The following TASP1 variants were observed in gnomAD, a reference collection of about 807,000 sequenced individuals.
TASP1 encodes taspase 1.
In TASP1, 16 loss-of-function variants were observed where a neutral mutation model predicts 56.6. The observed-to-expected ratio is 0.28, with a 90% CI of 0.19 to 0.43. The LOEUF (loss-of-function observed/expected upper bound fraction) is 0.43. Ranked by LOEUF, TASP1 falls within the 20% of genes least tolerant of loss-of-function variation. The pLI is 1.00. For synonymous variants in TASP1, 179 were observed against 184.2 expected (o/e 0.97, Z 0.23); for missense variants, 393 against 511.6 (o/e 0.77, Z 2.24).
intron 11 of TASP1, among the ~76,000 whole-genome samples, chr20:13,453,158 T>A (rs1033741286): frequency 1.3e-5 from 2 of 151,662 alleles, no homozygotes; most frequent in Non-Finnish European, 2.9e-5. Context: ...AGAAACAACA[T>A]GAAAAGAAAA....
At chr20:13,480,887 T>C (rs1302880420) in intron 11 of TASP1, among the ~76,000 whole-genome samples, 2 of 152,170 alleles carry the variant, frequency 1.3e-5, no homozygotes, top group East Asian at 3.9e-4. Flanking sequence ...AGGAATGCAA[T>C]GTGAAATAAT....
At chr20:13,257,392 C>A in the TASP1 span, among the ~76,000 whole-genome samples, 4 of 152,216 alleles carry the variant, frequency 2.6e-5, no homozygotes, top group Middle Eastern at 0.014. Context: ...TGGTGGATGC[C>A]TGTAATCTCA....
At chr20:13,441,599 G>C (rs1424224272) in intron 11 of TASP1, among the ~76,000 whole-genome samples, 3 of 152,228 alleles carry the variant, frequency 2.0e-5, no homozygotes, top group Admixed American at 2.0e-4. Flanking sequence ...AGAGAGGATA[G>C]AACATGCTTT....
chr20:13,247,750 G>C, the TASP1 span, among the ~76,000 whole-genome samples: 1 of 152,152 alleles, frequency 6.6e-6, no homozygotes, highest in African/African-American at 2.4e-5. Flanking sequence ...GACCACGACA[G>C]GAAGTGACTT....
the TASP1 span, chr20:13,133,002 C>T: frequency 1.3e-5 from 2 of 152,752 alleles, no homozygotes; most frequent in Admixed American, 1.3e-4. Context: ...TGTAAGCACA[C>T]TCCCCTGCTT....
the TASP1 span, among the ~76,000 whole-genome samples, chr20:13,153,659 C>T: frequency 3.9e-5 from 6 of 152,168 alleles, no homozygotes; most frequent in Non-Finnish European, 7.3e-5. Flanking sequence ...CTTCTTATCA[C>T]ACTCCCTTCT....
At chr20:13,166,141 T>C in the TASP1 span, 1 of 152,768 alleles carries the variant, frequency 6.5e-6, no homozygotes, top group African/African-American at 2.4e-5. Context: ...GCAAAGCTTC[T>C]GTAACAGTTC....
chr20:13,618,881 T>A (rs1250546836), intron 4 of TASP1, among the ~76,000 whole-genome samples: 1 of 152,286 alleles, frequency 6.6e-6, no homozygotes, highest in East Asian at 1.9e-4. Context: ...TTCTTTTTTT[T>A]TTTTTAGACA....
the TASP1 span, among the ~76,000 whole-genome samples, chr20:13,180,751 C>T: frequency 1.3e-5 from 2 of 152,010 alleles, no homozygotes; most frequent in African/African-American, 4.8e-5. Flanking sequence ...CCTAAACTGC[C>T]TCCCTACACA....
chr20:13,146,500 A>G, the TASP1 span, among the ~76,000 whole-genome samples: 1 of 152,204 alleles, frequency 6.6e-6, no homozygotes, highest in Non-Finnish European at 1.5e-5. Flanking sequence ...TAGCTCATTT[A>G]ATGTGTAAAA....
chr20:13,520,260 T>G (rs1174849535), intron 10 of TASP1, among the ~76,000 whole-genome samples: 1 of 152,068 alleles, frequency 6.6e-6, no homozygotes, highest in African/African-American at 2.4e-5. Context: ...TTCACAGAAT[T>G]GGAAAAAACT....
At chr20:13,386,999 T>C (rs1484493057), downstream of TASP1, among the ~76,000 whole-genome samples, 2 of 152,124 alleles carry the variant, frequency 1.3e-5, no homozygotes, top group East Asian at 1.9e-4. Context: ...AGGTGGTTTT[T>C]CAATTCTTAC....
chr20:13,457,584 T>G (rs1165444260), intron 11 of TASP1, among the ~76,000 whole-genome samples: 1 of 152,142 alleles, frequency 6.6e-6, no homozygotes, highest in East Asian at 1.9e-4. Flanking sequence ...TCACAACTTT[T>G]TAATGCTTTT....
intron 8 of TASP1, 128 bp from the exon 9 acceptor site, chr20:13,534,269 G>A: frequency 8.8e-7 from 1 of 1,130,342 alleles, no homozygotes; most frequent in Non-Finnish European, 1.2e-6. Flanking sequence ...GGAACATTGA[G>A]CAATCTCCTA....
At position 13,412,902 on chromosome 20, in the gene TASP1, G is replaced by A. The variant is rs949155033; in HGVS notation, c.1170+4546C>T. 2.0e-5 allele frequency among the ~76,000 whole-genome samples: 3 copies of A among 152,260 alleles called. No homozygotes were observed. The East Asian group carries it at 5.8e-4, about 29-fold the overall frequency. On this transcript the variant is annotated intron_variant, in intron 13 of 13. Transcript: ENST00000337743. ...TCTGTATTGAGACAGATAAGGTTTT[G>A]CTTCCTCGTTCTTATCATATCATAT...
intron 12 of TASP1, among the ~76,000 whole-genome samples, chr20:13,434,051 C>T (rs2042918719): frequency 1.3e-5 from 2 of 151,992 alleles, no homozygotes; most frequent in South Asian, 4.2e-4. Flanking sequence ...CAGAACTAAC[C>T]ATGGTGTTAA....
At chr20:13,571,163 G>A (rs375537910) in intron 6 of TASP1, among the ~76,000 whole-genome samples, 10 of 152,062 alleles carry the variant, frequency 6.6e-5, no homozygotes, top group African/African-American at 2.2e-4. Context: ...TAAATACTTC[G>A]GGCACTGTAA....
intron 11 of TASP1, among the ~76,000 whole-genome samples, chr20:13,478,797 A>T (rs1049562568): frequency 2.6e-5 from 4 of 152,178 alleles, no homozygotes; most frequent in African/African-American, 7.2e-5. Flanking sequence ...AATAACTTAC[A>T]TGCTAAAAAA....
At chr20:13,304,110 GA>G in the TASP1 span, among the ~76,000 whole-genome samples, 3 of 152,210 alleles carry the variant, frequency 2.0e-5, no homozygotes, top group African/African-American at 7.2e-5. Flanking sequence ...AAAGCAGGGA[GA>G]AAACTTGTAA....
Sources: allele counts gnomAD v4.1 joint callset (sites outside exome capture counted in the v4.1 genomes callset), GRCh38; gene constraint gnomAD v4.1.1; transcripts MANE v1.5; gene names NCBI Gene and HGNC (gene_info 2026-07-23, HGNC 2026-07-21).